Variants in FAM204A observed in about 807,000 individuals in gnomAD.
FAM204A encodes protein FAM204A.
A neutral mutation model predicts 35.4 loss-of-function variants in FAM204A; 16 were observed. The ratio of observed to expected loss-of-function variants is 0.45; its 90% CI spans 0.31 to 0.69. FAM204A has a LOEUF of 0.69. FAM204A is among the 30% of genes least tolerant of loss of function. The pLI, the probability that FAM204A is intolerant of heterozygous loss-of-function variation, is 0.07. For missense variants in FAM204A, 240 were observed against 265.7 expected (o/e 0.90, Z 0.67); for synonymous variants, 76 against 86.9 (o/e 0.88, Z 0.70).
intron 7 of FAM204A, among the ~76,000 whole-genome samples, chr10:118,321,677 A>T (rs1846118271): frequency 7.0e-6 from 1 of 143,560 alleles, no homozygotes. Context: ...GAAAACATCT[A>T]GTCAGTATCA....
In FAM204A at chr10:118,298,956, T is replaced by C. The variant is rs1399841964; in HGVS notation, c.*11901A>G. ...ATGGAAAAGGGCAGCGATGGACTAATGGTTGCCTAGCAACCACTAGACATT... is the reference window on the plus strand; with the variant it reads ...ATGGAAAAGGGCAGCGATGGACTAACGGTTGCCTAGCAACCACTAGACATT... On this transcript the variant is annotated 3_prime_UTR_variant, in exon 9 of 9. Transcript: ENST00000369183. 1 of 152,238 alleles carries C rather than the reference T, an allele frequency of 6.6e-6. No homozygotes were observed. Among genetic ancestry groups the C allele is most frequent in the Non-Finnish European group, 1.5e-5 (1 of 68,044 alleles). The allele number at this position is 152,238 out of a possible 1,614,324, so 9.4% of individuals were successfully genotyped here.
Position 118,309,770 on chromosome 10 carries a change from T to C in FAM204A, c.*1087A>G, listed in dbSNP as rs1227332067. On this transcript the variant is annotated 3_prime_UTR_variant, in exon 9 of 9. Transcript: ENST00000369183. ...AGTTCTTAGAAGGTTCAAAGTTATA[T>C]TATCTTGAGTTATAATTGTCTGTTT... The C allele has an allele frequency of 3.3e-5, 5 of 152,202 alleles. No homozygotes were observed. Among genetic ancestry groups the C allele is most frequent in the African/African-American group, 4.8e-5 (2 of 41,452 alleles). The allele number at this position is 152,202 out of a possible 1,614,324, so 9.4% of individuals were successfully genotyped here.
chr10:118,314,708 G>T (rs891953411), intron 7 of FAM204A, among the ~76,000 whole-genome samples: 2 of 152,108 alleles, frequency 1.3e-5, no homozygotes, highest in African/African-American at 4.8e-5. Context: ...TGGGTCATCA[G>T]ATAACTATAG....
At chr10:118,312,841 A>G (rs1374302026) in intron 7 of FAM204A, among the ~76,000 whole-genome samples, 1 of 152,122 alleles carries the variant, frequency 6.6e-6, no homozygotes, top group East Asian at 1.9e-4. Context: ...TTTGCCAGGC[A>G]CTGTTCTAGG....
In FAM204A at chr10:118,303,789, C is replaced by T. The variant is rs11198359; in HGVS notation, c.*7068G>A. 9,741 of 149,862 alleles carry T rather than the reference C, an allele frequency of 0.065. 365 individuals are homozygous for T. The highest frequency in any genetic ancestry group is 0.13 in the South Asian group (594 of 4,590). The allele number at this position is 149,862 out of a possible 1,614,324, so 9.3% of individuals were successfully genotyped here. ...ATGACACCACTGCACTCTAGCCTGG[C>T]GACAGAGCAAGACTCCGTCTCAAAA... On this transcript the variant is annotated 3_prime_UTR_variant, in exon 9 of 9. Coordinates refer to ENST00000369183, the MANE Select transcript of FAM204A (RefSeq NM_022063.3).
At chr10:118,328,009 G>A (rs1846225771) in intron 6 of FAM204A, among the ~76,000 whole-genome samples, 1 of 152,136 alleles carries the variant, frequency 6.6e-6, no homozygotes, top group African/African-American at 2.4e-5. Flanking sequence ...TTTTGCTGGG[G>A]GTAGTCGGGG....
At chr10:118,317,612 ATGC>A (rs1846051868) in intron 7 of FAM204A, among the ~76,000 whole-genome samples, 1 of 152,014 alleles carries the variant, frequency 6.6e-6, no homozygotes, top group Non-Finnish European at 1.5e-5. Context: ...TGATATTAAA[ATGC>A]TGCAGTGTCA....
At chr10:118,331,959 A>C (rs1323088273) in intron 6 of FAM204A, among the ~76,000 whole-genome samples, 2 of 150,728 alleles carry the variant, frequency 1.3e-5, no homozygotes, top group African/African-American at 4.9e-5. Flanking sequence ...GCGGATCACA[A>C]GGTCAGGAGT....
chr10:118,322,357 C>T (rs777827490), intron 7 of FAM204A: 11 of 456,154 alleles, frequency 2.4e-5, no homozygotes, highest in East Asian at 6.9e-5. Context: ...AGAGACAGCA[C>T]GAGTCTCTGG....
In FAM204A at chr10:118,326,150, T is replaced by A; in HGVS notation, c.543+4A>T. On this transcript the variant is annotated splice_donor_region_variant and intron_variant, in intron 7 of 8. Coordinates refer to ENST00000369183, the MANE Select transcript of FAM204A (RefSeq NM_022063.3). ...ACAGAAAATGTGTAACCCTTTTGAC[T>A]CACCTCTCGAGTAGCTAGCTGGTTG... 1 of 1,610,998 alleles carries A rather than the reference T, an allele frequency of 6.2e-7. No individual in the cohort carries two copies. Among genetic ancestry groups the A allele is most frequent in the Non-Finnish European group, 8.5e-7 (1 of 1,178,238 alleles).
At chr10:118,336,114 G>A (rs1430831810) in intron 3 of FAM204A, 68 bp downstream of exon 3, 2 of 1,553,576 alleles carry the variant, frequency 1.3e-6, no homozygotes, top group East Asian at 2.2e-5. Flanking sequence ...ATTCTGACCA[G>A]GGCAGAGACA....
At chr10:118,340,941 T>C (rs963632447) in intron 2 of FAM204A, among the ~76,000 whole-genome samples, 1 of 151,700 alleles carries the variant, frequency 6.6e-6, no homozygotes, top group African/African-American at 2.4e-5. Flanking sequence ...CAGAGCAGAG[T>C]TGTAAGCGGG....
chr10:118,326,310 G>A, intron 6 of FAM204A, 67 bp from the exon 7 acceptor site: 3 of 1,326,574 alleles, frequency 2.3e-6, no homozygotes, highest in Non-Finnish European at 3.2e-6. Flanking sequence ...CCAAGACCAT[G>A]TCACAGAATT....
chr10:118,324,145 A>G (rs1041830153), intron 7 of FAM204A, among the ~76,000 whole-genome samples: 2 of 152,176 alleles, frequency 1.3e-5, no homozygotes, highest in African/African-American at 4.8e-5. Flanking sequence ...TGTTATACAC[A>G]ATGAAAGCTA....
chr10:118,331,657 TTC>T lies in FAM204A; in HGVS notation c.453+3455_453+3456del, dbSNP rs200698852. ...TGAAAATTCTGCTATTAAATATTTA[TTC>T]TGTTAATATATTCAATTTTTAAAGC... On this transcript the variant is annotated intron_variant, in intron 6 of 8. Coordinates refer to ENST00000369183, the MANE Select transcript of FAM204A (RefSeq NM_022063.3). 5.7e-3 allele frequency among the ~76,000 whole-genome samples: 868 copies of T among 152,214 alleles called. 6 individuals carry two copies. The highest frequency in any genetic ancestry group is 0.02 in the African/African-American group (814 of 41,534).
rs944000385 is a variant in FAM204A at position 118,336,089 on chromosome 10, C to T, written c.234+93G>A. The T allele has an allele frequency of 9.7e-6, 14 of 1,441,100 alleles. No individual in the cohort carries two copies. In the African/African-American group the frequency reaches 1.7e-4, roughly 18 times the overall value. The allele number at this position is 1,441,100 out of a possible 1,614,324, so 89.3% of individuals were successfully genotyped here. A position where few individuals can be genotyped will look rare whatever the true frequency, so the allele number is the denominator to read the frequency against. On this transcript the variant is annotated intron_variant, in intron 3 of 8. Transcript: ENST00000369183. ...GTCCATCTCCCTCCCTGTTAAGTCC[C>T]AAGAATACATGCACATTCTGACCAG... is the stretch of plus-strand genomic sequence containing the variant.
intron 7 of FAM204A, among the ~76,000 whole-genome samples, chr10:118,317,341 C>G (rs1439059713): frequency 2.0e-5 from 3 of 151,986 alleles, no homozygotes; most frequent in African/African-American, 7.2e-5. Context: ...ATTAATTGAA[C>G]TGCAGAAAAA....
At chr10:118,323,693 T>A (rs1366460303) in intron 7 of FAM204A, among the ~76,000 whole-genome samples, 5 of 152,034 alleles carry the variant, frequency 3.3e-5, no homozygotes, top group Non-Finnish European at 7.4e-5. Flanking sequence ...TCTCTACCAT[T>A]TCCTGACATT....
intron 6 of FAM204A, among the ~76,000 whole-genome samples, chr10:118,333,582 T>C (rs1846325489): frequency 6.6e-6 from 1 of 152,174 alleles, no homozygotes; most frequent in African/African-American, 2.4e-5. Context: ...GGCATGCAAT[T>C]ATACTGAACT....
Sources: gnomAD v4.1 joint callset for allele counts (sites outside exome capture counted in the v4.1 genomes callset) on GRCh38, gnomAD v4.1.1 for gene constraint, MANE v1.5 for transcripts, NCBI Gene and HGNC (gene_info 2026-07-23, HGNC 2026-07-21) for gene names.